The following OLA1 variants were observed in gnomAD, a reference collection of about 807,000 sequenced individuals.
The protein encoded by OLA1 is obg-like ATPase 1.
OLA1 carries 14 observed loss-of-function variants against 48.4 expected under a neutral mutation model. The observed-to-expected ratio is 0.29, with a 90% CI of 0.19 to 0.45. The LOEUF (loss-of-function observed/expected upper bound fraction) is 0.45. OLA1 is among the 20% of genes least tolerant of loss of function. OLA1 has a pLI of 1.00. For missense variants in OLA1, 325 were observed against 467.1 expected (o/e 0.70, Z 2.80); for synonymous variants, 127 against 150.4 (o/e 0.84, Z 1.14).
At chr2:174,222,103 C>T (rs778303815) in intron 4 of OLA1, among the ~76,000 whole-genome samples, 2 of 152,172 alleles carry the variant, frequency 1.3e-5, no homozygotes, top group African/African-American at 2.4e-5. Flanking sequence ...ATTATGTTGG[C>T]AAAATTGCAA....
intron 4 of OLA1, among the ~76,000 whole-genome samples, chr2:174,176,271 A>G (rs1687417885): frequency 6.6e-6 from 1 of 152,132 alleles, no homozygotes; most frequent in African/African-American, 2.4e-5. Flanking sequence ...CTTGATTACT[A>G]AAGTTCAACA....
chr2:174,211,305 G>A (rs1688238509), intron 4 of OLA1, among the ~76,000 whole-genome samples: 1 of 151,978 alleles, frequency 6.6e-6, no homozygotes, highest in African/African-American at 2.4e-5. Context: ...GAGAACAATC[G>A]AGGAAGTAAG....
At chr2:174,134,762 T>G (rs570467268) in intron 5 of OLA1, among the ~76,000 whole-genome samples, 2 of 152,180 alleles carry the variant, frequency 1.3e-5, no homozygotes, top group African/African-American at 2.4e-5. Context: ...ATACTTAAAA[T>G]GGTTAATGGT....
At chr2:174,093,857 C>A (rs1685183613) in intron 7 of OLA1, among the ~76,000 whole-genome samples, 1 of 152,084 alleles carries the variant, frequency 6.6e-6, no homozygotes. Context: ...CATTTTTGTT[C>A]AAAGAGGACA....
intron 7 of OLA1, among the ~76,000 whole-genome samples, chr2:174,086,308 G>A (rs576647661): frequency 6.6e-6 from 1 of 152,126 alleles, no homozygotes; most frequent in Non-Finnish European, 1.5e-5. Flanking sequence ...CTTTATGAGT[G>A]GGCCTCGCTC....
intron 2 of OLA1, among the ~76,000 whole-genome samples, chr2:174,242,842 A>T (rs1447279337): frequency 6.6e-6 from 1 of 152,188 alleles, no homozygotes; most frequent in South Asian, 2.1e-4. Flanking sequence ...CTCATTTATA[A>T]AGGGTCACTC....
intron 4 of OLA1, among the ~76,000 whole-genome samples, chr2:174,176,074 G>A (rs1206431652): frequency 1.3e-5 from 2 of 151,996 alleles, no homozygotes; most frequent in Non-Finnish European, 2.9e-5. Context: ...AACATTTTAG[G>A]ATGATTGAAA....
At chr2:174,219,215 G>A (rs892537916) in intron 4 of OLA1, among the ~76,000 whole-genome samples, 11 of 151,088 alleles carry the variant, frequency 7.3e-5, no homozygotes, top group Admixed American at 5.3e-4. Flanking sequence ...GGCCAAGGCG[G>A]AGGACTGCTT....
At chr2:174,169,860 T>C (rs1687254510) in intron 4 of OLA1, among the ~76,000 whole-genome samples, 2 of 152,250 alleles carry the variant, frequency 1.3e-5, no homozygotes, top group East Asian at 3.8e-4. Flanking sequence ...CACTGAAATG[T>C]ACATTTTTAA....
At chr2:174,111,517 C>G (rs1685649707) in intron 7 of OLA1, among the ~76,000 whole-genome samples, 1 of 152,120 alleles carries the variant, frequency 6.6e-6, no homozygotes, top group Admixed American at 6.5e-5. Context: ...GTAAACACCC[C>G]AAAGTGCAGC....
chr2:174,110,530 G>T (rs1037356058), intron 7 of OLA1, among the ~76,000 whole-genome samples: 4 of 151,666 alleles, frequency 2.6e-5, no homozygotes, highest in African/African-American at 9.7e-5. Flanking sequence ...CTGCAGCCTC[G>T]AATTCCTGGG....
At chr2:174,223,323 A>T (rs2105450869) in intron 3 of OLA1, among the ~76,000 whole-genome samples, 163 bp from the exon 4 acceptor site, 1 of 152,360 alleles carries the variant, frequency 6.6e-6, no homozygotes, top group Non-Finnish European at 1.5e-5. Context: ...AAAAAATTAG[A>T]AATGGCCTTG....
At chr2:174,176,211 C>G (rs966840650) in intron 4 of OLA1, among the ~76,000 whole-genome samples, 1 of 151,980 alleles carries the variant, frequency 6.6e-6, no homozygotes, top group African/African-American at 2.4e-5. Context: ...GGAGAAGACA[C>G]CATACAGACA....
At chr2:174,083,511 A>C (rs1275362688) in intron 7 of OLA1, among the ~76,000 whole-genome samples, 1 of 152,110 alleles carries the variant, frequency 6.6e-6, no homozygotes, top group Admixed American at 6.5e-5. Context: ...AAATGGACCA[A>C]GTCCTATGAT....
Position 174,138,355 on chromosome 2 carries a change from T to C in OLA1, c.549+3470A>G, listed in dbSNP as rs528328015. Among the ~76,000 whole-genome samples the C allele has an allele frequency of 1.8e-4, 28 of 152,224 alleles. No homozygotes were observed. In the South Asian group the frequency reaches 3.9e-3, roughly 21 times the overall value. On this transcript the variant is annotated intron_variant, in intron 5 of 10. Transcript: ENST00000284719. ...CCGGGAGAGGGAGAAAGATGGGAAA[T>C]GGCCAGTAGGTGGAGCAATCAGAGC...
At chr2:174,102,725 G>A (rs1438507076) in intron 7 of OLA1, among the ~76,000 whole-genome samples, 1 of 152,106 alleles carries the variant, frequency 6.6e-6, no homozygotes, top group East Asian at 1.9e-4. Context: ...AAACTGACAG[G>A]CATTTTACAT....
intron 1 of OLA1, chr2:174,247,856 C>A: frequency 6.8e-7 from 1 of 1,469,368 alleles, no homozygotes; most frequent in South Asian, 1.3e-5. Context: ...GTCTCCAAAT[C>A]ATGCGTGCAG....
intron 4 of OLA1, among the ~76,000 whole-genome samples, chr2:174,173,076 A>G (rs763097388): frequency 2.6e-4 from 39 of 152,296 alleles, no homozygotes; most frequent in Middle Eastern, 3.4e-3. Flanking sequence ...CTGCAGAACC[A>G]TGAGCCAAAA....
intron 4 of OLA1, among the ~76,000 whole-genome samples, chr2:174,204,581 C>T (rs1448561671): frequency 1.3e-5 from 2 of 151,974 alleles, no homozygotes; most frequent in East Asian, 1.9e-4. Flanking sequence ...TAAAGAGCTA[C>T]CTATAATAGC....
Sources: allele counts gnomAD v4.1 joint callset (sites outside exome capture counted in the v4.1 genomes callset), GRCh38; gene constraint gnomAD v4.1.1; transcripts MANE v1.5; gene names NCBI Gene and HGNC (gene_info 2026-07-23, HGNC 2026-07-21).